The following RTL1 variants were observed in gnomAD, a reference collection of about 807,000 sequenced individuals.
RTL1 encodes the protein retrotransposon Gag like 1.
For missense variants in RTL1, 1,681 were observed against 1,767.5 expected, an observed-to-expected ratio of 0.95 and a Z score of 0.88; for synonymous variants, 727 against 748.4, an observed-to-expected ratio of 0.97 and a Z score of 0.47.
intron 2 of RTL1, among the ~76,000 whole-genome samples, chr14:100,901,229 C>T (rs2038937359): frequency 6.6e-6 from 1 of 152,256 alleles, no homozygotes; most frequent in South Asian, 2.1e-4. Context: ...CCCCCGAGGA[C>T]CTTGGGCATT....
intron 2 of RTL1, among the ~76,000 whole-genome samples, chr14:100,900,476 T>C (rs2038926765): frequency 6.6e-6 from 1 of 152,224 alleles, no homozygotes. Flanking sequence ...TGGGGCTATT[T>C]CTCTGCGGCC....
rs1375412802 is a variant in RTL1, at chr14:100,882,398, T to A, written c.2391A>T (p.Ile797=). 1.3e-6 allele frequency: 2 copies of A among 1,551,930 alleles called. No individual in the cohort carries two copies. The highest frequency in any genetic ancestry group is 8.7e-7 in the Non-Finnish European group (1 of 1,147,060). The change falls in exon 4 of 4, where the codon ATA becomes ATT. Residue 797 remains isoleucine, a synonymous_variant. Coordinates refer to ENST00000649591, the MANE Select transcript of RTL1 (RefSeq NM_001134888.3). ...TGGAGCCAGGGGTAGGGTACCCTGT[T>A]ATGATGGTCATGACGTTCTTGTTCA... ...VKLNKNVMTI[I]TGYPTPGSKL...
At chr14:100,897,771 T>TGGGGG (rs1566760912) in intron 2 of RTL1, 3 of 23,154 alleles carry the variant, frequency 1.3e-4, no homozygotes, top group Non-Finnish European at 2.5e-4. Flanking sequence ...GGTGGGGGGG[T>TGGGGG]GGGGGGCGGG....
At position 100,881,073 on chromosome 14, in the gene RTL1, T is replaced by A. The variant is rs1336866919; in HGVS notation, c.3716A>T (p.Asp1239Val). The A allele has an allele frequency of 5.6e-6, 9 of 1,601,708 alleles. No homozygotes were observed. In the East Asian group the frequency reaches 2.0e-4, roughly 36 times the overall value. Reference sequence around the variant, plus strand: ...GCCACACTGACGGTAACGTTGCAGGTCGTCTTGCAGGGCTTCTCGCAAGAC... The same window carrying A: ...GCCACACTGACGGTAACGTTGCAGGACGTCTTGCAGGGCTTCTCGCAAGAC... ...DVVLREALQD[D>V]LQRYRQCGLH... The change falls in exon 4 of 4, where the codon GAC (aspartate) becomes GTC (valine). Residue 1239 changes from aspartate to valine, a missense_variant. Physicochemically the swap from Asp to Val is radical, Grantham distance 152. Transcript: ENST00000649591. This position sits in a 1 kb window ranked among gnomAD's most constrained non-coding sequence, Gnocchi z 6.6.
rs202003846 is a variant in RTL1, at chr14:100,881,146, G to A, written c.3643C>T (p.Arg1215Cys). The A allele has an allele frequency of 1.4e-4, 224 of 1,551,584 alleles. No individual in the cohort carries two copies. The African/African-American group carries it at 1.5e-3, about 10-fold the overall frequency. ...TPQEGHLPAL[R>C]QNRYLELHVV... Reference sequence around the variant, plus strand: ...TGCAGCTCCAGGTAGCGGTTCTGACGCAGGGCAGGGAGGTGGCCCTCCTGG... The same window carrying A: ...TGCAGCTCCAGGTAGCGGTTCTGACACAGGGCAGGGAGGTGGCCCTCCTGG... The change falls in exon 4 of 4, where the codon CGT (arginine) becomes TGT (cysteine). Residue 1215 changes from arginine to cysteine, a missense_variant. Coordinates refer to ENST00000649591, the MANE Select transcript of RTL1 (RefSeq NM_001134888.3). This position sits in a 1 kb window ranked among gnomAD's most constrained non-coding sequence, Gnocchi z 6.6.
At position 100,884,804 on chromosome 14, in the gene RTL1, G is replaced by T. The variant is rs781154632; in HGVS notation, c.-16C>A. ...GTTCTATCATTTCGTCGGATGGAAA[G>T]GAGTGTATTCTGAAGATTGGTAAGG... is the stretch of plus-strand genomic sequence containing the variant. On this transcript the variant is annotated 5_prime_UTR_variant, in exon 4 of 4. Transcript: ENST00000649591. 1 of 1,545,452 alleles carries T rather than the reference G, an allele frequency of 6.5e-7. No individual in the cohort carries two copies. Among genetic ancestry groups the T allele is most frequent in the South Asian group, 1.3e-5 (1 of 79,446 alleles).
At chr14:100,899,477 G>A (rs1223294310) in intron 2 of RTL1, among the ~76,000 whole-genome samples, 1 of 152,162 alleles carries the variant, frequency 6.6e-6, no homozygotes, top group African/African-American at 2.4e-5. Flanking sequence ...CACAGGCTTT[G>A]GGGGAGAGGA....
intron 3 of RTL1, among the ~76,000 whole-genome samples, chr14:100,886,882 A>G (rs2038703936): frequency 6.6e-6 from 1 of 152,212 alleles, no homozygotes; most frequent in South Asian, 2.1e-4. Context: ...GCCCCCTCTT[A>G]ATATAAAGTC....
rs2038624388 is a variant in RTL1 at position 100,882,136 on chromosome 14, C to T, written c.2653G>A (p.Ala885Thr). ...ATTTGGATCAGGGAGGCGTGCAGGGCCGTGCCGGTGACGCCGGTTTCCAAG... is the reference window on the plus strand; with the variant it reads ...ATTTGGATCAGGGAGGCGTGCAGGGTCGTGCCGGTGACGCCGGTTTCCAAG... The part of the protein sequence containing the change: ...FYLETGVTGT[A>T]LHASLIQIDD... Residue 885 changes from alanine (A) to threonine (T), a missense_variant, in exon 4 of 4, where the codon GCC becomes ACC. Transcript: ENST00000649591. 1 of 1,553,530 alleles carries T rather than the reference C, an allele frequency of 6.4e-7. No individual in the cohort carries two copies.
chr14:100,902,811 C>T (rs2038960812), intron 2 of RTL1, among the ~76,000 whole-genome samples: 1 of 152,246 alleles, frequency 6.6e-6, no homozygotes, highest in Admixed American at 6.5e-5. Flanking sequence ...TAAGTGTAGG[C>T]TTGCACACAT....
chr14:100,888,786 A>C (rs1236363655), intron 3 of RTL1, among the ~76,000 whole-genome samples: 2 of 152,182 alleles, frequency 1.3e-5, no homozygotes, highest in Non-Finnish European at 2.9e-5. Context: ...TAAATTCCAA[A>C]TTTCTTTTCA....
In RTL1 at chr14:100,881,229, T is replaced by G. The variant is rs1402535263; in HGVS notation, c.3560A>C (p.Gln1187Pro). ...CGTCAGCCAGAAGCCAGGGGTGAAC[T>G]GCAGGCCTCGGTGGGCCTGGGAGTG... ...ALHSQAHRGL[Q>P]FTPGFWLTLC... is the part of the protein sequence containing the mutation. Residue 1187 changes from glutamine to proline, a missense_variant, in exon 4 of 4, where the codon CAG becomes CCG. Coordinates refer to ENST00000649591, the MANE Select transcript of RTL1 (RefSeq NM_001134888.3). This position sits in a 1 kb window ranked among gnomAD's most constrained non-coding sequence, Gnocchi z 6.6. The G allele has an allele frequency of 1.5e-5, 23 of 1,547,074 alleles. No homozygotes were observed. Among genetic ancestry groups the G allele is most frequent in the Non-Finnish European group, 2.0e-5 (23 of 1,145,078 alleles).
rs2038658528 is a variant in RTL1 at position 100,883,912 on chromosome 14, T to C, written c.877A>G (p.Thr293Ala). The change falls in exon 4 of 4, where the codon ACC becomes GCC. Residue 293 changes from threonine to alanine, a missense_variant. Physicochemically the swap from Thr to Ala is moderately conservative, Grantham distance 58 (BLOSUM62 0). Transcript: ENST00000649591. The surrounding 1 kb of genome is among the most constrained non-coding windows in gnomAD (Gnocchi z 5.9). ...GCAGAGCGGCCGCCCTGCCTGATGG[T>C]GAACATGGCCTCTTCTGCCACACGC... ...ALRVAEEAMF[T>A]IRQGGRSATE... is the part of the protein sequence containing the mutation. The C allele has an allele frequency of 1.3e-6, 2 of 1,551,588 alleles. No homozygotes were observed. Among genetic ancestry groups the C allele is most frequent in the African/African-American group, 2.7e-5 (2 of 73,174 alleles).
At chr14:100,890,911 C>T (rs75265957) in intron 3 of RTL1, among the ~76,000 whole-genome samples, 4,024 of 152,096 alleles carry the variant, frequency 0.026, 171 homozygotes, top group African/African-American at 0.092. Flanking sequence ...TATTATTTAT[C>T]GATTATTATT....
chr14:100,891,921 C>T (rs1336092664), intron 3 of RTL1, among the ~76,000 whole-genome samples: 1 of 152,102 alleles, frequency 6.6e-6, no homozygotes, highest in Admixed American at 6.5e-5. Context: ...GAGGTGCCTG[C>T]GGGGGTCCCT....
intron 3 of RTL1, among the ~76,000 whole-genome samples, chr14:100,886,938 A>G (rs1234597736): frequency 3.9e-5 from 6 of 152,212 alleles, no homozygotes; most frequent in Admixed American, 3.9e-4. Flanking sequence ...GAATGATTAA[A>G]TCCTTCAATG....
At position 100,881,416 on chromosome 14, in the gene RTL1, G is replaced by C; in HGVS notation, c.3373C>G (p.Arg1125Gly). ...ATGAGGGACGAATCCAGGATGAGTC[G>C]TAGGGAGCGCTGGGGCTGGGGCCGA... ...VARPQPQRSL[R>G]LILDSSLIAG... The change falls in exon 4 of 4, where the codon CGA (arginine) becomes GGA (glycine). Residue 1125 changes from arginine (R) to glycine (G), a missense_variant. Physicochemically the swap from Arg to Gly is moderately radical, Grantham distance 125. Transcript: ENST00000649591. This position sits in a 1 kb window ranked among gnomAD's most constrained non-coding sequence, Gnocchi z 6.6. 1 of 1,550,880 alleles carries C rather than the reference G, an allele frequency of 6.4e-7. No individual in the cohort carries two copies. Among genetic ancestry groups the C allele is most frequent in the Non-Finnish European group, 8.7e-7 (1 of 1,146,972 alleles).
In RTL1 at chr14:100,880,628, T is replaced by G. The variant is rs1004495568; in HGVS notation, c.*84A>C. 2 of 1,519,250 alleles carry G rather than the reference T, an allele frequency of 1.3e-6. No homozygotes were observed. The highest frequency in any genetic ancestry group is 8.8e-7 in the Non-Finnish European group (1 of 1,132,072). 94.1% of individuals were successfully genotyped at this position (1,519,250 alleles called of 1,614,324 possible). On this transcript the variant is annotated 3_prime_UTR_variant, in exon 4 of 4. Coordinates refer to ENST00000649591, the MANE Select transcript of RTL1 (RefSeq NM_001134888.3). ...TGGCAGGAAGGGAAGCGAAGCAGGC[T>G]GAGGCGCGGGGAGGCCAGGGGACGT...
At chr14:100,890,078 A>G (rs1043712640) in intron 3 of RTL1, among the ~76,000 whole-genome samples, 9 of 150,560 alleles carry the variant, frequency 6.0e-5, no homozygotes, top group South Asian at 2.1e-4. Context: ...TTATTTGAAA[A>G]AAAAAAAAAA....
Sources: allele counts gnomAD v4.1 joint callset (sites outside exome capture counted in the v4.1 genomes callset), GRCh38; gene constraint gnomAD v4.1.1; non-coding constraint Gnocchi (gnomAD v3.1); transcripts MANE v1.5; gene names NCBI Gene and HGNC (gene_info 2026-07-23, HGNC 2026-07-21).